HK1: variants seen among roughly 807,000 people sequenced by gnomAD.
HK1 encodes the protein hexokinase 1.
A neutral mutation model predicts 91.6 loss-of-function variants in HK1; 28 were observed. The observed-to-expected ratio is 0.31, with a 90% CI of 0.23 to 0.42. HK1 has a LOEUF of 0.42. Ranked by LOEUF, HK1 falls within the 10% of genes least tolerant of loss-of-function variation. The pLI is 1.00. For synonymous variants in HK1, 430 were observed against 468.1 expected, an observed-to-expected ratio of 0.92 and a Z score of 1.05; for missense variants, 770 against 1,219.8, an observed-to-expected ratio of 0.63 and a Z score of 5.49.
At chr10:69,394,728 A>G (rs1840058580) in intron 15 of HK1, among the ~76,000 whole-genome samples, 1 of 152,168 alleles carries the variant, frequency 6.6e-6, no homozygotes, top group Non-Finnish European at 1.5e-5. Flanking sequence ...GCAGGTAGAC[A>G]TGAATGCTGG....
intron 13 of HK1, among the ~76,000 whole-genome samples, chr10:69,387,400 C>T (rs764558795): frequency 2.6e-5 from 4 of 152,108 alleles, no homozygotes; most frequent in South Asian, 4.1e-4. Flanking sequence ...GCGATCCTCC[C>T]GCTTCAGCCT....
chr10:69,283,357 G>A (rs1844857889), intron 2 of HK1, among the ~76,000 whole-genome samples: 1 of 150,074 alleles, frequency 6.7e-6, no homozygotes, highest in African/African-American at 2.5e-5. Flanking sequence ...TGGAGGCTGA[G>A]GTGGAAGGAT....
chr10:69,388,403 C>T (rs10998754), intron 13 of HK1, among the ~76,000 whole-genome samples: 48,434 of 151,922 alleles, frequency 0.32, 8,159 homozygotes, highest in South Asian at 0.46. Flanking sequence ...GCCGTGGTTG[C>T]GGTAGTACAC....
chr10:69,292,433 G>T (rs985457034), intron 3 of HK1: 3 of 389,656 alleles, frequency 7.7e-6, no homozygotes, highest in African/African-American at 6.4e-5. Context: ...CTGCCCTCCA[G>T]GGGAGATACA....
intron 1 of HK1, among the ~76,000 whole-genome samples, chr10:69,272,214 C>T (rs1277897969): frequency 6.6e-6 from 1 of 152,216 alleles, no homozygotes; most frequent in Non-Finnish European, 1.5e-5. Context: ...GCTGCTAGCA[C>T]TAGTGGGTTT....
upstream of HK1, chr10:69,316,159 G>T: frequency 1.3e-6 from 1 of 779,684 alleles, no homozygotes; most frequent in Non-Finnish European, 2.3e-6. Flanking sequence ...TGGGGGCAGA[G>T]GATGGTGGGA....
intron 2 of HK1, among the ~76,000 whole-genome samples, chr10:69,354,391 A>G (rs190144133): frequency 5.9e-5 from 9 of 152,346 alleles, no homozygotes; most frequent in Admixed American, 5.2e-4. Flanking sequence ...GAAACTTACA[A>G]TCATGGTGGA....
In HK1 at chr10:69,401,344, C is replaced by G; in HGVS notation, c.*209C>G. 1.6e-6 allele frequency: 1 copy of G among 624,936 alleles called. No individual in the cohort carries two copies. The highest frequency in any genetic ancestry group is 1.9e-5 in the South Asian group (1 of 52,146). The allele number at this position is 624,936 out of a possible 1,614,324, so 38.7% of individuals were successfully genotyped here. On this transcript the variant is annotated 3_prime_UTR_variant, in exon 18 of 18. Transcript: ENST00000359426. ...TATCTCTCACCCGGATCCCTCCTCA[C>G]TTGCCCTGCCACTTTGCATGGTTTG...
upstream of HK1, among the ~76,000 whole-genome samples, chr10:69,312,519 G>T (rs1174899845): frequency 2.0e-5 from 3 of 152,042 alleles, no homozygotes; most frequent in Non-Finnish European, 4.4e-5. Context: ...GATTACAGGC[G>T]TGAGCCACCG....
At chr10:69,361,434 C>T (rs1232538054) in intron 3 of HK1, among the ~76,000 whole-genome samples, 1 of 152,238 alleles carries the variant, frequency 6.6e-6, no homozygotes, top group Non-Finnish European at 1.5e-5. Flanking sequence ...CATGGTTTGG[C>T]ATCCTGCACT....
chr10:69,338,790 G>T (rs1848148063), intron 1 of HK1: 12 of 916,336 alleles, frequency 1.3e-5, no homozygotes, highest in Admixed American at 2.9e-5. Flanking sequence ...TGTGTGTGTA[G>T]AGAGAGAGGG....
At chr10:69,390,001 C>T (rs1328790887) in intron 14 of HK1, among the ~76,000 whole-genome samples, 5 of 152,314 alleles carry the variant, frequency 3.3e-5, no homozygotes, top group Admixed American at 2.0e-4. Context: ...CAGGGAGTTT[C>T]TTAGCCAACA....
At chr10:69,318,193 G>A, upstream of HK1, 1 of 985,464 alleles carries the variant, frequency 1.0e-6, no homozygotes, top group Non-Finnish European at 1.2e-6. Flanking sequence ...AGATTAGGCG[G>A]GGCACGCCGG....
intron 1 of HK1, among the ~76,000 whole-genome samples, chr10:69,328,936 T>C (rs77667146): frequency 0.047 from 7,209 of 152,256 alleles, 361 homozygotes; most frequent in African/African-American, 0.12. Context: ...GCCTCTTTTA[T>C]TTAGCATAAT....
intron 1 of HK1, among the ~76,000 whole-genome samples, chr10:69,324,497 C>T (rs1847214596): frequency 6.6e-6 from 1 of 152,122 alleles, no homozygotes; most frequent in African/African-American, 2.4e-5. Flanking sequence ...GAGGCTGAGG[C>T]AGAAGAATCA....
chr10:69,336,020 G>C (rs138394100), intron 1 of HK1, among the ~76,000 whole-genome samples: 1 of 152,284 alleles, frequency 6.6e-6, no homozygotes, highest in Non-Finnish European at 1.5e-5. Context: ...TTATGTATGA[G>C]TGTTTGTTTA....
chr10:69,294,934 T>A, intron 3 of HK1, among the ~76,000 whole-genome samples: 1 of 143,002 alleles, frequency 7.0e-6, no homozygotes, highest in East Asian at 2.0e-4. Flanking sequence ...GAGGGTGAGG[T>A]GGGAGGATTG....
At position 69,401,185 on chromosome 10, in the gene HK1, C is replaced by A. The variant is rs200311919; in HGVS notation, c.*50C>A. The A allele has an allele frequency of 6.3e-7, 1 of 1,580,248 alleles. No individual in the cohort carries two copies. Among genetic ancestry groups the A allele is most frequent in the Non-Finnish European group, 8.6e-7 (1 of 1,165,232 alleles). ...CCTCTCCAGCACTTCTCTCTTCAAG[C>A]GGCGACCCCCTACCCTCCCAGCGAG... On this transcript the variant is annotated 3_prime_UTR_variant, in exon 18 of 18. Coordinates refer to ENST00000359426, the MANE Select transcript of HK1 (RefSeq NM_000188.3).
At chr10:69,288,890 G>A (rs895882245) in intron 3 of HK1, 2 of 808,734 alleles carry the variant, frequency 2.5e-6, no homozygotes, top group South Asian at 1.4e-5. Context: ...GGGTTCAAGC[G>A]ATTCTCCTGC....
Sources: allele counts gnomAD v4.1 joint callset (sites outside exome capture counted in the v4.1 genomes callset), GRCh38; gene constraint gnomAD v4.1.1; transcripts MANE v1.5; gene names NCBI Gene and HGNC (gene_info 2026-07-23, HGNC 2026-07-21).